Variants in GRK4 observed in about 807,000 individuals in gnomAD.
GRK4 encodes G protein-coupled receptor kinase 4.
In GRK4, 73 loss-of-function variants were observed where a neutral mutation model predicts 77.9. That is an observed-to-expected ratio of 0.94 (90% CI 0.78 to 1.14). The LOEUF (loss-of-function observed/expected upper bound fraction) is 1.14, where lower values mean the gene tolerates loss of function less well. GRK4 is among the 50% of genes most tolerant of loss of function. GRK4 has a pLI of 0.00. For missense variants in GRK4, 729 were observed against 700.2 expected (o/e 1.04, Z -0.46); for synonymous variants, 257 against 254.4 (o/e 1.01, Z -0.10).
intron 10 of GRK4, among the ~76,000 whole-genome samples, chr4:3,024,630 C>T (rs1736943127): frequency 6.6e-6 from 1 of 152,106 alleles, no homozygotes; most frequent in Non-Finnish European, 1.5e-5. Flanking sequence ...GAGGCTGAGG[C>T]AGGTGGATCA....
At chr4:2,984,948 C>G (rs1723839471) in intron 2 of GRK4, among the ~76,000 whole-genome samples, 1 of 151,918 alleles carries the variant, frequency 6.6e-6, no homozygotes, top group Non-Finnish European at 1.5e-5. Context: ...TGCCCGCTCC[C>G]CATTAGAAAC....
At chr4:2,989,079 G>A (rs1725338929) in intron 3 of GRK4, among the ~76,000 whole-genome samples, 1 of 152,108 alleles carries the variant, frequency 6.6e-6, no homozygotes, top group South Asian at 2.1e-4. Flanking sequence ...CTACTTGGGA[G>A]GCTGAGGCAG....
chr4:2,983,168 G>T (rs1249277351), intron 1 of GRK4, among the ~76,000 whole-genome samples: 7 of 152,126 alleles, frequency 4.6e-5, no homozygotes, highest in African/African-American at 2.4e-5. Context: ...ATCTCTAGCC[G>T]AGCCTCTTCT....
At chr4:2,972,431 C>T (rs1041752025) in intron 1 of GRK4, among the ~76,000 whole-genome samples, 8 of 152,166 alleles carry the variant, frequency 5.3e-5, no homozygotes, top group Admixed American at 4.6e-4. Context: ...AACCAGACTG[C>T]TGTGCTGTGC....
chr4:3,035,108 G>A (rs1409169405), intron 12 of GRK4, among the ~76,000 whole-genome samples: 1 of 152,066 alleles, frequency 6.6e-6, no homozygotes, highest in African/African-American at 2.4e-5. Context: ...AGCTGGGCAC[G>A]GTGGCGGGTG....
intron 10 of GRK4, among the ~76,000 whole-genome samples, chr4:3,024,365 C>T (rs960337921): frequency 9.9e-5 from 15 of 152,166 alleles, no homozygotes; most frequent in African/African-American, 1.7e-4. Flanking sequence ...TGGGCCTAAG[C>T]GACCCTCCTG....
Position 3,038,356 on chromosome 4 carries a change from C to T in GRK4, c.1546-20C>T, listed in dbSNP as rs1375859831. On this transcript the variant is annotated intron_variant, in intron 14 of 15. Transcript: ENST00000398052. The stretch of plus-strand genomic sequence containing the variant: ...GCAGTTTCTCTGCGGCTTCTCTGTC[C>T]TGTTATTCTGTGCATGCAGATGATC... The T allele has an allele frequency of 6.2e-7, 1 of 1,613,720 alleles. No individual in the cohort carries two copies. The highest frequency in any genetic ancestry group is 1.7e-5 in the Admixed American group (1 of 59,900).
chr4:2,991,198 G>A (rs1010616193), intron 3 of GRK4, among the ~76,000 whole-genome samples: 2 of 152,146 alleles, frequency 1.3e-5, no homozygotes, highest in African/African-American at 4.8e-5. Context: ...CTCCAGTAAT[G>A]GGCTGAAGCT....
At chr4:2,976,274 CA>C (rs1721143499) in intron 1 of GRK4, among the ~76,000 whole-genome samples, 1 of 151,342 alleles carries the variant, frequency 6.6e-6, no homozygotes, top group Non-Finnish European at 1.5e-5. Context: ...GTCTGTTGCT[CA>C]GGCTGGAATG....
chr4:2,989,807 T>C (rs1262902711), intron 3 of GRK4, among the ~76,000 whole-genome samples: 1 of 152,248 alleles, frequency 6.6e-6, no homozygotes, highest in Non-Finnish European at 1.5e-5. Context: ...TTACTGTGAT[T>C]TCCTTATAGG....
At chr4:2,991,883 C>A (rs1726289747) in intron 3 of GRK4, among the ~76,000 whole-genome samples, 1 of 152,116 alleles carries the variant, frequency 6.6e-6, no homozygotes, top group Admixed American at 6.6e-5. Context: ...TCTAAAACTT[C>A]ATTAACCTCC....
chr4:3,008,488 G>A (rs1731947510), intron 6 of GRK4, among the ~76,000 whole-genome samples: 1 of 152,192 alleles, frequency 6.6e-6, no homozygotes, highest in African/African-American at 2.4e-5. Flanking sequence ...AATGTTTGGT[G>A]CACAAAATAA....
At chr4:2,975,689 A>C (rs1720921072) in intron 1 of GRK4, among the ~76,000 whole-genome samples, 1 of 152,124 alleles carries the variant, frequency 6.6e-6, no homozygotes, top group Admixed American at 6.5e-5. Context: ...TTGCAGACCC[A>C]CTTCTACGGA....
intron 5 of GRK4, among the ~76,000 whole-genome samples, chr4:3,005,290 TTGCTC>T (rs778636188): frequency 2.0e-5 from 3 of 151,924 alleles, no homozygotes; most frequent in African/African-American, 4.8e-5. Flanking sequence ...AGTTTATTCT[TTGCTC>T]TGAGAGCAAG....
chr4:3,010,478 C>A (rs1732593166), intron 7 of GRK4, among the ~76,000 whole-genome samples: 1 of 152,184 alleles, frequency 6.6e-6, no homozygotes, highest in Non-Finnish European at 1.5e-5. Flanking sequence ...CCGCCCTCCT[C>A]AGCCTCCCAA....
At chr4:2,986,644 G>C (rs1018112000) in intron 2 of GRK4, among the ~76,000 whole-genome samples, 1 of 151,898 alleles carries the variant, frequency 6.6e-6, no homozygotes, top group East Asian at 1.9e-4. Flanking sequence ...CTGAGCCACC[G>C]CGCCTGGCCC....
intron 14 of GRK4, 56 bp from the exon 15 acceptor site, chr4:3,038,320 C>T: frequency 1.2e-6 from 2 of 1,606,120 alleles, no homozygotes; most frequent in Non-Finnish European, 1.7e-6. Context: ...TGGGAGACAC[C>T]CACTGACCTG....
intron 1 of GRK4, among the ~76,000 whole-genome samples, chr4:2,964,515 G>C (rs1716864045): frequency 6.6e-6 from 1 of 152,176 alleles, no homozygotes; most frequent in Non-Finnish European, 1.5e-5. Context: ...ATGGTCTTAA[G>C]GGGGACAAAG....
chr4:3,009,889 T>C (rs1732400892), intron 7 of GRK4, among the ~76,000 whole-genome samples, 178 bp downstream of exon 7: 1 of 152,218 alleles, frequency 6.6e-6, no homozygotes, highest in South Asian at 2.1e-4. Context: ...AAAAGGTTTT[T>C]AAGAATCCCT....
Sources: allele counts gnomAD v4.1 joint callset (sites outside exome capture counted in the v4.1 genomes callset), GRCh38; gene constraint gnomAD v4.1.1; transcripts MANE v1.5; gene names NCBI Gene and HGNC (gene_info 2026-07-23, HGNC 2026-07-21).